PRELID2: variants seen among roughly 807,000 people sequenced by gnomAD.
PRELID2 encodes the protein PRELI domain containing 2.
A neutral mutation model predicts 28.4 loss-of-function variants in PRELID2; 25 were observed. The observed-to-expected ratio is 0.88, with a 90% CI of 0.64 to 1.23. PRELID2 has a LOEUF of 1.23. Ranked by LOEUF, PRELID2 falls within the 50% of genes most tolerant of loss-of-function variation. The probability of loss-of-function intolerance (pLI) is 0.00; values close to 1 mark genes in which losing one functional copy is unlikely to be tolerated. For missense variants in PRELID2, 201 were observed against 214.4 expected, an observed-to-expected ratio of 0.94 and a Z score of 0.39; for synonymous variants, 76 against 71.6, an observed-to-expected ratio of 1.06 and a Z score of -0.31.
chr5:145,458,921 G>GA, the PRELID2 span, among the ~76,000 whole-genome samples: 9 of 152,262 alleles, frequency 5.9e-5, no homozygotes, highest in South Asian at 1.5e-3. Context: ...GAAACGGGTT[G>GA]AAAAATTGAT....
In PRELID2 at chr5:145,552,507, C is replaced by A. The variant is rs150837072; in HGVS notation, n.71-79192G>T. Among the ~76,000 whole-genome samples, 938 of 152,166 alleles carry A rather than the reference C, an allele frequency of 6.2e-3. 10 individuals are homozygous for A. The highest frequency in any genetic ancestry group is 0.022 in the African/African-American group (905 of 41,520). ...GGGTAAAGAGACACACACTGTCTCC[C>A]CCGCCTCACCTTCCACCCCAACCCC... On this transcript the variant is annotated intron_variant and non_coding_transcript_variant, in intron 1 of 2. Transcript: ENST00000510259.
the PRELID2 span, among the ~76,000 whole-genome samples, chr5:145,283,317 G>A: frequency 6.6e-6 from 1 of 152,112 alleles, no homozygotes; most frequent in Non-Finnish European, 1.5e-5. Flanking sequence ...ACGCAACTGG[G>A]GGGGAAAGAT....
At chr5:145,404,617 T>G in the PRELID2 span, among the ~76,000 whole-genome samples, 1 of 152,194 alleles carries the variant, frequency 6.6e-6, no homozygotes, top group Non-Finnish European at 1.5e-5. Flanking sequence ...CTTGCATATC[T>G]TTCAGCATCT....
chr5:145,680,305 T>G (rs781531798), intron 1 of PRELID2, among the ~76,000 whole-genome samples: 13 of 152,184 alleles, frequency 8.5e-5, no homozygotes, highest in Non-Finnish European at 1.6e-4. Flanking sequence ...GAAAGTGAAT[T>G]TAAAGAGGGA....
the PRELID2 span, among the ~76,000 whole-genome samples, chr5:145,441,574 T>G: frequency 2.0e-5 from 3 of 152,094 alleles, no homozygotes; most frequent in African/African-American, 7.2e-5. Context: ...AGGTCTTAAC[T>G]GTAAGCAAAA....
intron 1 of PRELID2, among the ~76,000 whole-genome samples, chr5:145,476,555 G>C (rs1016475078): frequency 6.6e-6 from 1 of 152,082 alleles, no homozygotes; most frequent in African/African-American, 2.4e-5. Context: ...TGAGGCAGGA[G>C]AATCGCCTGA....
the PRELID2 span, among the ~76,000 whole-genome samples, chr5:145,457,210 C>CT: frequency 6.6e-6 from 1 of 152,136 alleles, no homozygotes; most frequent in African/African-American, 2.4e-5. Context: ...GTCACTTACT[C>CT]TCCATGTGAC....
At chr5:145,429,691 T>A in the PRELID2 span, among the ~76,000 whole-genome samples, 1 of 151,694 alleles carries the variant, frequency 6.6e-6, no homozygotes, top group South Asian at 2.1e-4. Context: ...ATGTTGAATA[T>A]CTCCCAAGTA....
chr5:145,615,325 T>C (rs1401302964), intron 1 of PRELID2, among the ~76,000 whole-genome samples: 109 of 95,254 alleles, frequency 1.1e-3, no homozygotes, highest in African/African-American at 5.0e-3. Context: ...TCTCTTTTTT[T>C]TGTTTTTTTT....
intron 5 of PRELID2, among the ~76,000 whole-genome samples, chr5:145,774,123 T>C (rs1459239948): frequency 1.3e-5 from 2 of 152,248 alleles, no homozygotes; most frequent in Non-Finnish European, 2.9e-5. Flanking sequence ...AATGATAATT[T>C]ATTATGGGGT....
At chr5:145,754,353 A>C (rs1302970332), downstream of PRELID2, 1 of 152,204 alleles carries the variant, frequency 6.6e-6, no homozygotes, top group Non-Finnish European at 1.5e-5. Context: ...ATCCTATGCT[A>C]ATTTTTCTTC....
chr5:145,382,625 A>G, the PRELID2 span, among the ~76,000 whole-genome samples: 1 of 152,072 alleles, frequency 6.6e-6, no homozygotes, highest in Non-Finnish European at 1.5e-5. Flanking sequence ...TAGCAAAAAT[A>G]AAATGAAAGA....
At chr5:145,512,969 A>G (rs1165984881) in intron 1 of PRELID2, among the ~76,000 whole-genome samples, 2 of 152,082 alleles carry the variant, frequency 1.3e-5, no homozygotes, top group African/African-American at 4.8e-5. Context: ...CCACACAAAA[A>G]CCCCATCCGA....
chr5:145,645,703 T>C (rs1321823867), intron 1 of PRELID2, among the ~76,000 whole-genome samples: 1 of 152,180 alleles, frequency 6.6e-6, no homozygotes, highest in African/African-American at 2.4e-5. Flanking sequence ...AGTGCTTCCT[T>C]CAGGAGCTCT....
chr5:145,298,953 C>A, the PRELID2 span, among the ~76,000 whole-genome samples: 1 of 151,920 alleles, frequency 6.6e-6, no homozygotes, highest in Non-Finnish European at 1.5e-5. Flanking sequence ...TAAAACAGAA[C>A]ATTATCAAAA....
chr5:145,755,644 T>C (rs1228258817), downstream of PRELID2, among the ~76,000 whole-genome samples: 2 of 152,226 alleles, frequency 1.3e-5, no homozygotes, highest in Non-Finnish European at 2.9e-5. Context: ...TAGAGCTTAT[T>C]CTGAGAAATA....
intron 1 of PRELID2, among the ~76,000 whole-genome samples, chr5:145,655,347 G>A (rs1561533804): frequency 6.6e-6 from 1 of 152,096 alleles, no homozygotes. Flanking sequence ...TAGATTCAAT[G>A]CCATCCCCAT....
Position 145,495,742 on chromosome 5 carries a change from T to A in PRELID2, n.71-22427A>T, listed in dbSNP as rs1439180384. 2.2e-4 allele frequency among the ~76,000 whole-genome samples: 33 copies of A among 152,234 alleles called. 2 individuals are homozygous for A. The highest frequency in any genetic ancestry group is 2.2e-3 in the Admixed American group (33 of 15,266). On this transcript the variant is annotated intron_variant and non_coding_transcript_variant, in intron 1 of 2. Transcript: ENST00000510259. ...TATATAAAGCATTTAGCTTAATGCA[T>A]TAATAATGCTAGATTTAATTGTACT...
At chr5:145,483,064 A>G (rs1057139987) in intron 1 of PRELID2, among the ~76,000 whole-genome samples, 2 of 152,128 alleles carry the variant, frequency 1.3e-5, no homozygotes, top group Non-Finnish European at 2.9e-5. Context: ...CACCTATAAA[A>G]TGGGGACTAT....
Sources: gnomAD v4.1 joint callset for allele counts (sites outside exome capture counted in the v4.1 genomes callset) on GRCh38, gnomAD v4.1.1 for gene constraint, MANE v1.5 for transcripts, NCBI Gene and HGNC (gene_info 2026-07-23, HGNC 2026-07-21) for gene names.